Variants in BDNF observed in about 807,000 individuals in gnomAD.
BDNF encodes the protein brain derived neurotrophic factor.
Under a neutral mutation model 19.5 loss-of-function variants are expected in BDNF, and 1 was observed. That is an observed-to-expected ratio of 0.05 (90% CI 0.02 to 0.24). The LOEUF is 0.24. Ranked by LOEUF, BDNF falls within the 10% of genes least tolerant of loss-of-function variation. The pLI is 1.00. For synonymous variants in BDNF, 100 were observed against 121.6 expected (o/e 0.82, Z 1.17); for missense variants, 195 against 317.6 (o/e 0.61, Z 2.93).
chr11:27,658,213 C>G lies in BDNF; in HGVS notation c.352G>C (p.Asp118His), dbSNP rs758638310. 1 of 1,614,020 alleles carries G rather than the reference C, an allele frequency of 6.2e-7. No individual in the cohort carries two copies. The highest frequency in any genetic ancestry group is 8.5e-7 in the Non-Finnish European group (1 of 1,180,028). The change falls in exon 2 of 2, where the codon GAT becomes CAT. Residue 118 changes from aspartate to histidine, a missense_variant. Transcript: ENST00000356660. The surrounding 1 kb of genome is among the most constrained non-coding windows in gnomAD (Gnocchi z 5.7). ...ACCCTCATGGACATGTTTGCAGCAT[C>G]TAGGTAATTTTTGTATTCCTCCAGC... ...FLLEEYKNYL[D>H]AANMSMRVRR...
rs1305684755 is a variant in BDNF, at chr11:27,655,521, T to C, written c.*2300A>G. Reference sequence around the variant, plus strand: ...GCAGATATTCCAAGCATTCCTTACATATTAAAAATAATTACAAAGATAATA... The same window carrying C: ...GCAGATATTCCAAGCATTCCTTACACATTAAAAATAATTACAAAGATAATA... On this transcript the variant is annotated 3_prime_UTR_variant, in exon 2 of 2. Coordinates refer to ENST00000356660, the MANE Select transcript of BDNF (RefSeq NM_001709.5). The C allele has an allele frequency of 1.3e-5, 2 of 152,228 alleles. No homozygotes were observed. Among genetic ancestry groups the C allele is most frequent in the Non-Finnish European group, 2.9e-5 (2 of 68,042 alleles). 9.4% of individuals were successfully genotyped at this position (152,228 alleles called of 1,614,324 possible).
At chr11:27,704,892 C>A (rs1860048790), upstream of BDNF, among the ~76,000 whole-genome samples, 1 of 152,198 alleles carries the variant, frequency 6.6e-6, no homozygotes, top group Non-Finnish European at 1.5e-5. Context: ...AATTGGTCAA[C>A]ACCTGTTACA....
rs1469812373 is a variant in BDNF, at chr11:27,657,461, GTGT to G, written c.*357_*359del. ...GTTCAAATTTTTGTTGTGTGTGTGTGTGTTTTTTTTCTGTTTTCTGAAAGAGGA... is the reference window on the plus strand; with the variant it reads ...GTTCAAATTTTTGTTGTGTGTGTGTGTTTTTTTCTGTTTTCTGAAAGAGGA... On this transcript the variant is annotated 3_prime_UTR_variant, in exon 2 of 2. Coordinates refer to ENST00000356660, the MANE Select transcript of BDNF (RefSeq NM_001709.5). This position sits in a 1 kb window ranked among gnomAD's most constrained non-coding sequence, Gnocchi z 5.0. 100 of 991,804 alleles carry G rather than the reference GTGT, an allele frequency of 1.0e-4. No individual in the cohort carries two copies. The highest frequency in any genetic ancestry group is 7.3e-4 in the East Asian group (7 of 9,542). The allele number at this position is 991,804 out of a possible 1,614,324, so 61.4% of individuals were successfully genotyped here. A position where few individuals can be genotyped will look rare whatever the true frequency, so the allele number is the denominator to read the frequency against.
At chr11:27,701,412 G>A (rs1215904138), upstream of BDNF, 9 of 1,037,242 alleles carry the variant, frequency 8.7e-6, no homozygotes, top group African/African-American at 6.8e-5. Flanking sequence ...TAATTAAAGG[G>A]GGGAGGGGGC....
At chr11:27,721,283 C>A in intron 1 of BDNF, 1 of 1,101,832 alleles carries the variant, frequency 9.1e-7, no homozygotes, top group Non-Finnish European at 1.4e-6. Context: ...TGTGTAAAAA[C>A]CCGATTCCCC....
At position 27,667,222 on chromosome 11, in the gene BDNF, G is replaced by A. The variant is rs533724323; in HGVS notation, c.-21-8637C>T. ...CTTTACAGACAAGCAAATGCTGAGA[G>A]ATTTTGTCACCACCAGGCCTGCCTT... On this transcript the variant is annotated intron_variant, in intron 1 of 1. Coordinates refer to ENST00000356660, the MANE Select transcript of BDNF (RefSeq NM_001709.5). 2.6e-5 allele frequency among the ~76,000 whole-genome samples: 4 copies of A among 152,252 alleles called. No individual in the cohort carries two copies. In the South Asian group the frequency reaches 8.3e-4, roughly 32 times the overall value.
rs1384115118 is a variant in BDNF at position 27,658,036 on chromosome 11, G to A, written c.529C>T (p.Leu177=). ...TTGGTCTCGTAGAAGTATTGCTTCAGTTGGCCTTTTGATACAGGGACCTTT... is the reference window on the plus strand; with the variant it reads ...TTGGTCTCGTAGAAGTATTGCTTCAATTGGCCTTTTGATACAGGGACCTTT... ...LEKVPVSKGQ[L]KQYFYETKCN... The change falls in exon 2 of 2, where the codon CTG becomes TTG. Residue 177 remains leucine (L), a synonymous_variant. Coordinates refer to ENST00000356660, the MANE Select transcript of BDNF (RefSeq NM_001709.5). This position sits in a 1 kb window ranked among gnomAD's most constrained non-coding sequence, Gnocchi z 5.7. 6.2e-7 allele frequency: 1 copy of A among 1,613,968 alleles called. No homozygotes were observed. The highest frequency in any genetic ancestry group is 8.5e-7 in the Non-Finnish European group (1 of 1,180,042).
intron 1 of BDNF, among the ~76,000 whole-genome samples, chr11:27,713,491 A>G (rs1860415142): frequency 6.6e-6 from 1 of 152,192 alleles, no homozygotes; most frequent in African/African-American, 2.4e-5. Flanking sequence ...CCTTTCTGCA[A>G]TCACCTAATT....
rs1852942494 is a variant in BDNF, at chr11:27,658,900, T to G, written c.-21-315A>C. The G allele has an allele frequency of 8.2e-7, 1 of 1,223,606 alleles. No individual in the cohort carries two copies. The highest frequency in any genetic ancestry group is 1.0e-6 in the Non-Finnish European group (1 of 966,668). 75.8% of individuals were successfully genotyped at this position (1,223,606 alleles called of 1,614,324 possible). A position where few individuals can be genotyped will look rare whatever the true frequency, so the allele number is the denominator to read the frequency against. On this transcript the variant is annotated intron_variant, in intron 1 of 1. Coordinates refer to ENST00000356660, the MANE Select transcript of BDNF (RefSeq NM_001709.5). The surrounding 1 kb of genome is among the most constrained non-coding windows in gnomAD (Gnocchi z 5.7). The stretch of plus-strand genomic sequence containing the variant: ...CTTCCCACTTTAGCAGCTTTGTAAG[T>G]TTAATTTTTAATGATCTCTGCTCAT...
chr11:27,707,265 A>G lies in BDNF; in HGVS notation c.3+14147T>C, dbSNP rs572786387. On this transcript the variant is annotated intron_variant, in intron 1 of 1. Coordinates refer to the BDNF transcript ENST00000314915. Reference sequence around the variant, plus strand: ...ACATGATACCTAGAATCAAGTCTTCATAAATTCATCAAGTATGTCTCCATT... The same window carrying G: ...ACATGATACCTAGAATCAAGTCTTCGTAAATTCATCAAGTATGTCTCCATT... 3.5e-3 allele frequency among the ~76,000 whole-genome samples: 534 copies of G among 152,344 alleles called. 3 individuals are homozygous for G. The highest frequency in any genetic ancestry group is 0.012 in the African/African-American group (519 of 41,580).
Position 27,693,257 on chromosome 11 carries a change from A to G in BDNF, c.-22+6907T>C, listed in dbSNP as rs183425286. The stretch of plus-strand genomic sequence containing the variant: ...AGTGCAGCCCAAAATTTCAGTAGCT[A>G]TGATAACAGCCTCTTGTCACACCAC... On this transcript the variant is annotated intron_variant, in intron 1 of 1. Transcript: ENST00000356660. Among the ~76,000 whole-genome samples the G allele has an allele frequency of 2.6e-5, 4 of 152,312 alleles. No homozygotes were observed. In the East Asian group the frequency reaches 7.7e-4, roughly 29 times the overall value.
At chr11:27,659,096 G>A (rs894727731) in intron 1 of BDNF, 2 of 1,011,456 alleles carry the variant, frequency 2.0e-6, no homozygotes, top group African/African-American at 1.7e-5. Context: ...GTCTAGGCAT[G>A]AATAGCACAA....
intron 1 of BDNF, among the ~76,000 whole-genome samples, chr11:27,663,383 G>A (rs1359116256): frequency 6.6e-6 from 1 of 152,160 alleles, no homozygotes; most frequent in Non-Finnish European, 1.5e-5. Context: ...ATTCAATATA[G>A]TACATAGAAC....
In BDNF at chr11:27,658,620, G is replaced by A. The variant is rs376546912; in HGVS notation, c.-21-35C>T. Reference sequence around the variant, plus strand: ...GAAAGCAGAAACAAGACAGAAAACTGGTTAGGGCTTTCTTTCACCGGGATG... The same window carrying A: ...GAAAGCAGAAACAAGACAGAAAACTAGTTAGGGCTTTCTTTCACCGGGATG... On this transcript the variant is annotated intron_variant, in intron 1 of 1. Transcript: ENST00000356660. This position sits in a 1 kb window ranked among gnomAD's most constrained non-coding sequence, Gnocchi z 5.7. The A allele has an allele frequency of 1.9e-6, 3 of 1,613,968 alleles. No homozygotes were observed. Among genetic ancestry groups the A allele is most frequent in the African/African-American group, 2.7e-5 (2 of 74,932 alleles).
chr11:27,696,663 G>C (rs1859034784), intron 1 of BDNF: 1 of 152,194 alleles, frequency 6.6e-6, no homozygotes, highest in Non-Finnish European at 1.5e-5. Flanking sequence ...GCAATTAGTG[G>C]AAACTGAGTG....
chr11:27,668,891 C>T (rs1330433110), intron 1 of BDNF, among the ~76,000 whole-genome samples: 1 of 152,172 alleles, frequency 6.6e-6, no homozygotes, highest in Non-Finnish European at 1.5e-5. Context: ...AAGAGGGAAT[C>T]CTCCCTAACT....
At chr11:27,673,607 T>G (rs1040896428) in intron 1 of BDNF, among the ~76,000 whole-genome samples, 1 of 152,210 alleles carries the variant, frequency 6.6e-6, no homozygotes, top group Non-Finnish European at 1.5e-5. Context: ...ATAACCACAC[T>G]TTTAATAGAC....
intron 1 of BDNF, among the ~76,000 whole-genome samples, chr11:27,679,180 C>G (rs1049473280): frequency 1.3e-5 from 2 of 152,102 alleles, no homozygotes; most frequent in Admixed American, 1.3e-4. Context: ...AACAAGGGAC[C>G]TTGACTTTGG....
chr11:27,661,797 A>G (rs979822395), intron 1 of BDNF, among the ~76,000 whole-genome samples: 46 of 152,212 alleles, frequency 3.0e-4, no homozygotes, highest in African/African-American at 1.0e-3. Flanking sequence ...TGCCGTACAC[A>G]TTACTGCCTC....
Sources: gnomAD v4.1 joint callset for allele counts (sites outside exome capture counted in the v4.1 genomes callset) on GRCh38, gnomAD v4.1.1 for gene constraint, Gnocchi (gnomAD v3.1) non-coding constraint, MANE v1.5 for transcripts, NCBI Gene and HGNC (gene_info 2026-07-23, HGNC 2026-07-21) for gene names.